Variants in SIPA1L1 observed in about 807,000 individuals in gnomAD.
The protein encoded by SIPA1L1 is signal induced proliferation associated 1 like 1, also known as signal-induced proliferation-associated 1-like protein 1.
Under a neutral mutation model 162.7 loss-of-function variants are expected in SIPA1L1, and 26 were observed. The observed-to-expected ratio is 0.16, with a 90% CI of 0.12 to 0.22. The LOEUF (loss-of-function observed/expected upper bound fraction) is 0.22, where lower values mean the gene tolerates loss of function less well. Among genes scored for constraint, SIPA1L1 ranks in the 10% least tolerant of loss-of-function variants. The pLI is 1.00. For missense variants in SIPA1L1, 1,874 were observed against 2,241.0 expected (o/e 0.84, Z 3.31); for synonymous variants, 829 against 837.4 (o/e 0.99, Z 0.17).
chr14:71,723,914 G>A, intron 18 of SIPA1L1, 28 bp downstream of exon 18: 1 of 1,613,154 alleles, frequency 6.2e-7, no homozygotes, highest in Non-Finnish European at 8.5e-7. Flanking sequence ...TCCCTTGCTG[G>A]TGGCTTGCTT....
At position 71,671,834 on chromosome 14, in the gene SIPA1L1, A is replaced by C. The variant is rs2044549891; in HGVS notation, c.2829+142A>C. ...TTGATGTGTGAAGCAAACAGAGTTT[A>C]TCTCATGCTTGTGTTTTCCATGGAT... On this transcript the variant is annotated intron_variant, in intron 11 of 23. Coordinates refer to ENST00000381232, the MANE Select transcript of SIPA1L1 (RefSeq NM_001386936.1). 7 of 650,522 alleles carry C rather than the reference A, an allele frequency of 1.1e-5. No homozygotes were observed. In the South Asian group the frequency reaches 1.3e-4, roughly 12 times the overall value. 40.3% of individuals were successfully genotyped at this position (650,522 alleles called of 1,614,324 possible).
rs1006629901 is a variant in SIPA1L1 at position 71,740,387 on chromosome 14, G to A, written c.*1226G>A. ...TGATGCAGGCTGCTTTGGGCCCCTGGGTCACTCTTCCAAGGCTGCTGTAGA... is the reference window on the plus strand; with the variant it reads ...TGATGCAGGCTGCTTTGGGCCCCTGAGTCACTCTTCCAAGGCTGCTGTAGA... On this transcript the variant is annotated 3_prime_UTR_variant, in exon 24 of 24. Coordinates refer to ENST00000381232, the MANE Select transcript of SIPA1L1 (RefSeq NM_001386936.1). The A allele has an allele frequency of 5.9e-5, 9 of 152,144 alleles. No individual in the cohort carries two copies. The highest frequency in any genetic ancestry group is 1.3e-4 in the Non-Finnish European group (9 of 68,058). 9.4% of individuals were successfully genotyped at this position (152,144 alleles called of 1,614,324 possible).
chr14:71,620,097 G>T (rs896574256), intron 6 of SIPA1L1, among the ~76,000 whole-genome samples: 1 of 152,194 alleles, frequency 6.6e-6, no homozygotes, highest in Non-Finnish European at 1.5e-5. Flanking sequence ...TTGAGACAGA[G>T]TTTCACTCGT....
intron 2 of SIPA1L1, among the ~76,000 whole-genome samples, chr14:71,435,663 T>C (rs1044320998): frequency 3.9e-5 from 6 of 152,324 alleles, no homozygotes; most frequent in African/African-American, 1.4e-4. Context: ...TATAGCAACA[T>C]GATTTATAGT....
intron 2 of SIPA1L1, among the ~76,000 whole-genome samples, 200 bp from the exon 3 acceptor site, chr14:71,512,543 C>T (rs949864375): frequency 5.4e-5 from 8 of 148,086 alleles, no homozygotes; most frequent in Middle Eastern, 3.5e-3. Flanking sequence ...GCTGAGATCG[C>T]GCCACTGCAC....
intron 2 of SIPA1L1, among the ~76,000 whole-genome samples, chr14:71,422,459 C>T (rs2043256095): frequency 6.6e-6 from 1 of 152,156 alleles, no homozygotes; most frequent in Non-Finnish European, 1.5e-5. Flanking sequence ...ATTCTGTACT[C>T]ATTAAACAGT....
chr14:71,454,158 C>G (rs1004244435), intron 2 of SIPA1L1, among the ~76,000 whole-genome samples: 2 of 152,022 alleles, frequency 1.3e-5, no homozygotes, highest in Admixed American at 6.6e-5. Flanking sequence ...TTACTGTATT[C>G]TTAACAGTAC....
intron 2 of SIPA1L1, among the ~76,000 whole-genome samples, chr14:71,488,595 T>C (rs1227046359): frequency 6.6e-6 from 1 of 152,226 alleles, no homozygotes; most frequent in Non-Finnish European, 1.5e-5. Flanking sequence ...GCCATAATTA[T>C]CTCTAAGAGA....
chr14:71,521,431 G>A (rs1283594279), intron 3 of SIPA1L1, among the ~76,000 whole-genome samples: 1 of 152,156 alleles, frequency 6.6e-6, no homozygotes, highest in Non-Finnish European at 1.5e-5. Context: ...ATGTCCCTGT[G>A]TCTTCAGAGA....
intron 2 of SIPA1L1, among the ~76,000 whole-genome samples, chr14:71,357,722 C>T (rs976313911): frequency 1.3e-5 from 2 of 151,974 alleles, no homozygotes; most frequent in Non-Finnish European, 2.9e-5. Flanking sequence ...CCATCAATGC[C>T]GGCTAATTTT....
At position 71,392,141 on chromosome 14, in the gene SIPA1L1, G is replaced by A. The variant is rs559843784; in HGVS notation, c.-465+70960G>A. Among the ~76,000 whole-genome samples the A allele has an allele frequency of 5.9e-5, 9 of 152,298 alleles. No individual in the cohort carries two copies. The South Asian group carries it at 1.5e-3, about 25-fold the overall frequency. On this transcript the variant is annotated intron_variant, in intron 2 of 23. Transcript: ENST00000381232. ...AGAGAGGCTTGGGGAGCGCAGGAAA[G>A]CTATAAATCCCAATACCCATTATCT...
At chr14:71,619,741 G>A (rs1375806860) in intron 6 of SIPA1L1, among the ~76,000 whole-genome samples, 1 of 152,066 alleles carries the variant, frequency 6.6e-6, no homozygotes, top group African/African-American at 2.4e-5. Context: ...AGTTTAAATA[G>A]GGCATTTGGC....
intron 7 of SIPA1L1, among the ~76,000 whole-genome samples, chr14:71,636,214 A>G (rs1186935345): frequency 2.0e-5 from 3 of 152,284 alleles, no homozygotes; most frequent in East Asian, 3.8e-4. Flanking sequence ...TCTAATTGAC[A>G]TAAAGCACTT....
chr14:71,489,974 A>G (rs2049105920), intron 2 of SIPA1L1, among the ~76,000 whole-genome samples: 1 of 152,204 alleles, frequency 6.6e-6, no homozygotes, highest in Non-Finnish European at 1.5e-5. Context: ...CAAAATATGG[A>G]GGGATTCTTT....
At chr14:71,663,574 C>T (rs1039352451) in intron 10 of SIPA1L1, among the ~76,000 whole-genome samples, 1 of 152,172 alleles carries the variant, frequency 6.6e-6, no homozygotes, top group Non-Finnish European at 1.5e-5. Context: ...CTGGCTGTGG[C>T]CACTGTAATG....
rs530513442 is a variant in SIPA1L1 at position 71,576,923 on chromosome 14, A to C, written c.-302-10648A>C. Among the ~76,000 whole-genome samples the C allele has an allele frequency of 1.2e-4, 18 of 152,228 alleles. 1 individual carries two copies. In the South Asian group the frequency reaches 3.7e-3, roughly 32 times the overall value. The stretch of plus-strand genomic sequence containing the variant: ...CATGGTGAAACCCCGTCTCTATTAA[A>C]AATATAAAAATTAGCCAGGTGTGGT... On this transcript the variant is annotated intron_variant, in intron 4 of 23. Transcript: ENST00000381232.
chr14:71,337,764 G>A (rs1233230561), intron 2 of SIPA1L1, among the ~76,000 whole-genome samples: 1 of 152,048 alleles, frequency 6.6e-6, no homozygotes, highest in African/African-American at 2.4e-5. Context: ...GACCAGCCTG[G>A]GCAACATGGT....
At chr14:71,417,178 G>C (rs545927003) in intron 2 of SIPA1L1, among the ~76,000 whole-genome samples, 280 of 152,130 alleles carry the variant, frequency 1.8e-3, no homozygotes, top group Non-Finnish European at 2.5e-3. Flanking sequence ...ATACTGTGTT[G>C]TTACAATAAC....
At chr14:71,522,697 C>CTTT (rs368872105) in intron 3 of SIPA1L1, among the ~76,000 whole-genome samples, 1 of 144,062 alleles carries the variant, frequency 6.9e-6, no homozygotes. Flanking sequence ...TTCTCTCTCT[C>CTTT]TTTTTTTTTT....
Sources: gnomAD v4.1 joint callset for allele counts (sites outside exome capture counted in the v4.1 genomes callset) on GRCh38, gnomAD v4.1.1 for gene constraint, MANE v1.5 for transcripts, NCBI Gene and HGNC (gene_info 2026-07-23, HGNC 2026-07-21) for gene names.